Variants in RBMS3 observed in about 807,000 individuals in gnomAD.
The protein encoded by RBMS3 is RNA binding motif single stranded interacting protein 3, also known as RNA-binding motif, single-stranded-interacting protein 3.
Under a neutral mutation model 66.8 loss-of-function variants are expected in RBMS3, and 27 were observed. The observed-to-expected ratio is 0.40, with a 90% CI of 0.30 to 0.56. The LOEUF is 0.56. Ranked by LOEUF, RBMS3 falls within the 20% of genes least tolerant of loss-of-function variation. The pLI, the probability that RBMS3 is intolerant of heterozygous loss-of-function variation, is 0.40. For synonymous variants in RBMS3, 188 were observed against 183.0 expected, an observed-to-expected ratio of 1.03 and a Z score of -0.22; for missense variants, 513 against 549.5, an observed-to-expected ratio of 0.93 and a Z score of 0.66.
intron 3 of RBMS3, among the ~76,000 whole-genome samples, chr3:29,530,889 GT>G (rs1331275761): frequency 6.6e-6 from 1 of 151,214 alleles, no homozygotes; most frequent in Non-Finnish European, 1.5e-5. Context: ...AAAAAAAAGT[GT>G]TTCAATGCTT....
intron 4 of RBMS3, among the ~76,000 whole-genome samples, chr3:29,725,905 A>G (rs982442256): frequency 6.6e-6 from 1 of 152,128 alleles, no homozygotes; most frequent in Non-Finnish European, 1.5e-5. Context: ...AGACACAACA[A>G]AAAAGAAAAT....
chr3:29,636,038 ATG>A (rs10565409), intron 4 of RBMS3, among the ~76,000 whole-genome samples: 115,479 of 145,198 alleles, frequency 0.8, 46,501 homozygotes, highest in East Asian at 0.92. Flanking sequence ...GTCATCAAGA[ATG>A]TGTGTGTGTG....
intron 12 of RBMS3, among the ~76,000 whole-genome samples, chr3:29,974,648 T>TTGTAAAATTGTTTGGCA (rs1480646988): frequency 2.6e-5 from 4 of 151,432 alleles, no homozygotes; most frequent in Non-Finnish European, 5.9e-5. Context: ...TTGCCATAAA[T>TTGTAAAATTGTTTGGCA]TTGTCTTATT....
intron 5 of RBMS3, among the ~76,000 whole-genome samples, chr3:29,760,750 G>T (rs56091623): frequency 6.6e-6 from 1 of 151,974 alleles, no homozygotes; most frequent in Non-Finnish European, 1.5e-5. Flanking sequence ...ATTGTACTTA[G>T]CTGTTCCTAA....
intron 6 of RBMS3, among the ~76,000 whole-genome samples, chr3:29,825,781 C>A (rs527393138): frequency 6.6e-6 from 1 of 152,148 alleles, no homozygotes; most frequent in Non-Finnish European, 1.5e-5. Flanking sequence ...ATTCAAATCC[C>A]AGCTCTGCCA....
intron 4 of RBMS3, among the ~76,000 whole-genome samples, chr3:29,731,665 G>A (rs1318610659): frequency 6.6e-6 from 1 of 152,156 alleles, no homozygotes; most frequent in Non-Finnish European, 1.5e-5. Context: ...CACTGGCTTT[G>A]TGTCCAGGGA....
rs369474555 is a variant in RBMS3, at chr3:29,469,202, C to T, written c.249-19239C>T. ...CTAGAAATCTTACAAATAGTGATAA[C>T]ATTTTAACTCATAGTATGGGAAATA... On this transcript the variant is annotated intron_variant, in intron 2 of 14. Coordinates refer to ENST00000383767, the MANE Select transcript of RBMS3 (RefSeq NM_001003793.3). Among the ~76,000 whole-genome samples the T allele has an allele frequency of 9.4e-4, 143 of 152,160 alleles. 1 individual carries two copies. The highest frequency in any genetic ancestry group is 3.4e-3 in the Middle Eastern group (1 of 294).
rs994036884 is a variant in RBMS3, at chr3:30,007,254, A to ATTTG, written c.*3409_*3412dup. 8.6e-5 allele frequency: 13 copies of ATTTG among 151,914 alleles called. No homozygotes were observed. The highest frequency in any genetic ancestry group is 2.0e-4 in the Admixed American group (3 of 15,240). The allele number at this position is 151,914 out of a possible 1,614,324, so 9.4% of individuals were successfully genotyped here. The stretch of plus-strand genomic sequence containing the variant: ...TTAATCAACAAAATATATTGTAGTG[A>ATTTG]TTTGTTTGTTTGTTTGTTTGAGACG... On this transcript the variant is annotated 3_prime_UTR_variant, in exon 15 of 15. Transcript: ENST00000383767.
At chr3:29,468,407 C>T (rs2042611383) in intron 2 of RBMS3, among the ~76,000 whole-genome samples, 1 of 152,078 alleles carries the variant, frequency 6.6e-6, no homozygotes, top group Non-Finnish European at 1.5e-5. Flanking sequence ...TAAATGCAGC[C>T]ATTACACTTA....
chr3:29,364,625 C>T (rs1280358212), intron 1 of RBMS3, among the ~76,000 whole-genome samples: 1 of 152,092 alleles, frequency 6.6e-6, no homozygotes, highest in Non-Finnish European at 1.5e-5. Flanking sequence ...TACATTTTCC[C>T]ATCTATAAAA....
chr3:29,553,848 T>C (rs570242177), intron 3 of RBMS3, among the ~76,000 whole-genome samples: 2 of 151,658 alleles, frequency 1.3e-5, no homozygotes, highest in African/African-American at 4.8e-5. Flanking sequence ...ATTTGCCTCC[T>C]TATCTCCTGA....
rs201912230 is a variant in RBMS3 at position 29,800,222 on chromosome 3, AT to A, written c.637+37245del. ...CTAAATGGTTTTCAGAAAGGCCTTAATTTTTTTTTTTTACCATTATAGCATT... is the reference window on the plus strand; with the variant it reads ...CTAAATGGTTTTCAGAAAGGCCTTAATTTTTTTTTTTACCATTATAGCATT... On this transcript the variant is annotated intron_variant, in intron 6 of 14. Transcript: ENST00000383767. Among the ~76,000 whole-genome samples, 186 of 147,616 alleles carry A rather than the reference AT, an allele frequency of 1.3e-3. 1 individual carries two copies. The highest frequency in any genetic ancestry group is 3.6e-3 in the Middle Eastern group (1 of 276).
At chr3:29,332,253 C>T (rs2035708196) in intron 1 of RBMS3, among the ~76,000 whole-genome samples, 2 of 152,086 alleles carry the variant, frequency 1.3e-5, no homozygotes, top group Non-Finnish European at 2.9e-5. Context: ...TAATCAAGAA[C>T]AAATGGCAAG....
chr3:29,750,598 T>C (rs1262163848), intron 5 of RBMS3, among the ~76,000 whole-genome samples: 1 of 152,156 alleles, frequency 6.6e-6, no homozygotes, highest in African/African-American at 2.4e-5. Context: ...AGGTTCGTTA[T>C]ATAGGTAAAC....
intron 4 of RBMS3, among the ~76,000 whole-genome samples, chr3:29,726,424 T>C (rs2053878804): frequency 1.3e-5 from 2 of 152,310 alleles, no homozygotes; most frequent in East Asian, 1.9e-4. Context: ...AAATTGTCTC[T>C]GTTTGCAGAT....
At chr3:29,650,276 T>C (rs1179680732) in intron 4 of RBMS3, among the ~76,000 whole-genome samples, 2 of 124,114 alleles carry the variant, frequency 1.6e-5, no homozygotes, top group Admixed American at 1.6e-4. Flanking sequence ...TACTCCTTTC[T>C]TTCTTTTTTT....
chr3:29,647,792 C>A (rs1002687998), intron 4 of RBMS3, among the ~76,000 whole-genome samples: 4 of 152,094 alleles, frequency 2.6e-5, no homozygotes, highest in Non-Finnish European at 4.4e-5. Context: ...GTGTGATAGT[C>A]ACACACATTT....
chr3:29,963,781 C>A (rs1696636677), intron 12 of RBMS3, among the ~76,000 whole-genome samples: 1 of 150,856 alleles, frequency 6.6e-6, no homozygotes, highest in Non-Finnish European at 1.5e-5. Context: ...GAGCCAAGAT[C>A]CCACCACCGT....
intron 10 of RBMS3, among the ~76,000 whole-genome samples, chr3:29,918,626 G>A (rs1487249239): frequency 1.3e-5 from 2 of 151,886 alleles, no homozygotes; most frequent in African/African-American, 2.4e-5. Context: ...ATATTGTAGC[G>A]CTATTTCAGG....
Sources: allele counts gnomAD v4.1 joint callset (sites outside exome capture counted in the v4.1 genomes callset), GRCh38; gene constraint gnomAD v4.1.1; transcripts MANE v1.5; gene names NCBI Gene and HGNC (gene_info 2026-07-23, HGNC 2026-07-21).